Variants in GALNT17 observed in about 807,000 individuals in gnomAD.
GALNT17 encodes UDP-GalNAc:polypeptide N-acetylgalactosaminyltransferase-like 3.
In GALNT17, 29 loss-of-function variants were observed where a neutral mutation model predicts 63.7. That is an observed-to-expected ratio of 0.46 (90% confidence interval 0.34 to 0.62). GALNT17 has a LOEUF of 0.62. GALNT17 is among the 20% of genes least tolerant of loss of function. GALNT17 has a pLI of 0.01. For synonymous variants in GALNT17, 305 were observed against 318.3 expected (o/e 0.96, Z 0.45); for missense variants, 603 against 799.6 (o/e 0.75, Z 2.97).
At chr7:71,343,690 CT>C (rs1026931190) in intron 2 of GALNT17, among the ~76,000 whole-genome samples, 1 of 152,192 alleles carries the variant, frequency 6.6e-6, no homozygotes, top group South Asian at 2.1e-4. Flanking sequence ...TTCTATGACT[CT>C]TTTATATTTC....
intron 3 of GALNT17, among the ~76,000 whole-genome samples, chr7:71,412,035 G>C (rs1286728315): frequency 6.6e-6 from 1 of 152,160 alleles, no homozygotes; most frequent in Admixed American, 6.5e-5. Flanking sequence ...ATGCTCTTGG[G>C]CTCTCAGGTT....
intron 1 of GALNT17, among the ~76,000 whole-genome samples, chr7:71,215,813 C>A (rs1585887482): frequency 6.6e-6 from 1 of 152,046 alleles, no homozygotes; most frequent in Non-Finnish European, 1.5e-5. Context: ...GCTCAGGAAC[C>A]CTTCACAATC....
At chr7:71,326,501 AAC>A (rs1207182799) in intron 1 of GALNT17, among the ~76,000 whole-genome samples, 1 of 152,202 alleles carries the variant, frequency 6.6e-6, no homozygotes, top group Non-Finnish European at 1.5e-5. Flanking sequence ...AGGATCTCCT[AAC>A]AATCTCCCAA....
chr7:71,333,783 G>C (rs1282010382), intron 1 of GALNT17, among the ~76,000 whole-genome samples: 1 of 152,174 alleles, frequency 6.6e-6, no homozygotes, highest in Non-Finnish European at 1.5e-5. Flanking sequence ...GAGCCACTGT[G>C]CCCAGCCTAT....
At chr7:71,410,264 G>C (rs113709137) in intron 3 of GALNT17, among the ~76,000 whole-genome samples, 24 of 115,828 alleles carry the variant, frequency 2.1e-4, no homozygotes, top group Non-Finnish European at 5.4e-5. Context: ...TTTTTTTTTT[G>C]AGACAGAGTC....
At chr7:71,325,498 C>A (rs963923953) in intron 1 of GALNT17, among the ~76,000 whole-genome samples, 2 of 152,160 alleles carry the variant, frequency 1.3e-5, no homozygotes, top group Non-Finnish European at 2.9e-5. Flanking sequence ...GTGCCTCCAT[C>A]GTGTGTACCA....
chr7:71,692,701 T>C (rs78165288), intron 9 of GALNT17, among the ~76,000 whole-genome samples: 10,426 of 151,476 alleles, frequency 0.069, 453 homozygotes, highest in Middle Eastern at 0.12. Flanking sequence ...ACAATGTATG[T>C]ATATAAGTAC....
intron 5 of GALNT17, among the ~76,000 whole-genome samples, chr7:71,539,707 C>CTT (rs71089953): frequency 0.29 from 21,162 of 71,858 alleles, 4,574 homozygotes; most frequent in Non-Finnish European, 0.36. Context: ...TTAGTCCCAC[C>CTT]TTTTTTTTTT....
At chr7:71,308,715 G>A (rs939649301) in intron 1 of GALNT17, among the ~76,000 whole-genome samples, 4 of 151,554 alleles carry the variant, frequency 2.6e-5, no homozygotes, top group African/African-American at 9.7e-5. Flanking sequence ...TCTGGGCTCT[G>A]CTTTGGAAGT....
At position 71,665,355 on chromosome 7, in the gene GALNT17, G is replaced by A. The variant is rs533902317; in HGVS notation, c.1081-56G>A. The A allele has an allele frequency of 1.3e-5, 20 of 1,533,102 alleles. No homozygotes were observed. The Admixed American group carries it at 3.7e-4, about 28-fold the overall frequency. The allele number at this position is 1,533,102 out of a possible 1,614,324, so 95.0% of individuals were successfully genotyped here. ...AACCATTGCTTTTGGGCTTGGGGAGGGGGCATAGCCTCTGGGAATTTCTTT... is the reference window on the plus strand; with the variant it reads ...AACCATTGCTTTTGGGCTTGGGGAGAGGGCATAGCCTCTGGGAATTTCTTT... On this transcript the variant is annotated intron_variant, in intron 6 of 10. Transcript: ENST00000333538.
At chr7:71,278,086 G>A (rs563410276) in intron 1 of GALNT17, among the ~76,000 whole-genome samples, 2 of 152,266 alleles carry the variant, frequency 1.3e-5, no homozygotes, top group South Asian at 2.1e-4. Flanking sequence ...GGTGGGATGG[G>A]GGATGCAGCA....
chr7:71,671,252 C>G (rs10275749), intron 8 of GALNT17, among the ~76,000 whole-genome samples: 6,740 of 152,192 alleles, frequency 0.044, 513 homozygotes, highest in African/African-American at 0.15. Context: ...GACACACAGT[C>G]AGGCCAAGGA....
intron 5 of GALNT17, among the ~76,000 whole-genome samples, chr7:71,529,305 G>A (rs545683910): frequency 3.5e-5 from 4 of 115,664 alleles, no homozygotes; most frequent in Admixed American, 1.6e-4. Context: ...TTCAAGGGAT[G>A]GGGGGGCAAT....
chr7:71,594,190 G>A (rs1480151499), intron 6 of GALNT17, among the ~76,000 whole-genome samples: 1 of 152,136 alleles, frequency 6.6e-6, no homozygotes, highest in South Asian at 2.1e-4. Context: ...ACCAGCTGGG[G>A]TGGATGGTCT....
Position 71,493,665 on chromosome 7 carries a change from C to T in GALNT17, c.962+72560C>T, listed in dbSNP as rs779624703. On this transcript the variant is annotated intron_variant, in intron 5 of 10. Transcript: ENST00000333538. ...TCCAATGATCTCCCCCAGGGATGGT[C>T]CCTCCCACAACATGTGAGAATGATG... Among the ~76,000 whole-genome samples the T allele has an allele frequency of 2.6e-5, 4 of 152,146 alleles. No individual in the cohort carries two copies. The East Asian group carries it at 5.8e-4, about 22-fold the overall frequency.
At chr7:71,417,641 G>A (rs1374683761) in intron 4 of GALNT17, among the ~76,000 whole-genome samples, 3 of 152,150 alleles carry the variant, frequency 2.0e-5, no homozygotes, top group Non-Finnish European at 4.4e-5. Context: ...CCCTCCAGAG[G>A]ACTCTGATGC....
chr7:71,239,687 G>A (rs1789959457), intron 1 of GALNT17, among the ~76,000 whole-genome samples: 1 of 152,156 alleles, frequency 6.6e-6, no homozygotes, highest in African/African-American at 2.4e-5. Context: ...CGGCACAGCT[G>A]AGCAGAGCTT....
intron 9 of GALNT17, among the ~76,000 whole-genome samples, chr7:71,708,619 C>T (rs1791751841): frequency 6.6e-6 from 1 of 152,140 alleles, no homozygotes; most frequent in Non-Finnish European, 1.5e-5. Flanking sequence ...GGGTGTATTG[C>T]ATGATGCTGA....
intron 5 of GALNT17, among the ~76,000 whole-genome samples, chr7:71,540,197 C>CTCTCTG: frequency 7.1e-6 from 1 of 139,916 alleles, no homozygotes; most frequent in East Asian, 2.2e-4. Context: ...CAACCTCTGC[C>CTCTCTG]TCTCTGCCTC....
Sources: allele counts gnomAD v4.1 joint callset (sites outside exome capture counted in the v4.1 genomes callset), GRCh38; gene constraint gnomAD v4.1.1; transcripts MANE v1.5; gene names NCBI Gene and HGNC (gene_info 2026-07-23, HGNC 2026-07-21).